Variants in CFAP53 observed in about 807,000 individuals in gnomAD.
The protein encoded by CFAP53 is cilia and flagella associated protein 53.
A neutral mutation model predicts 59.7 loss-of-function variants in CFAP53; 62 were observed. The observed-to-expected ratio is 1.04, with a 90% CI of 0.85 to 1.28. The LOEUF (loss-of-function observed/expected upper bound fraction) is 1.28. CFAP53 is among the 50% of genes most tolerant of loss of function. The pLI, the probability that CFAP53 is intolerant of heterozygous loss-of-function variation, is 0.00. For missense variants in CFAP53, 629 were observed against 615.6 expected, an observed-to-expected ratio of 1.02 and a Z score of -0.23; for synonymous variants, 218 against 205.7, an observed-to-expected ratio of 1.06 and a Z score of -0.51.
chr18:50,251,307 A>G (rs950569413), intron 4 of CFAP53, among the ~76,000 whole-genome samples, 174 bp downstream of exon 4: 1 of 152,200 alleles, frequency 6.6e-6, no homozygotes, highest in African/African-American at 2.4e-5. Flanking sequence ...TGACCCTTCT[A>G]TGAACTCTGC....
At chr18:50,260,910 G>T (rs1420542865) in intron 3 of CFAP53, among the ~76,000 whole-genome samples, 154 bp downstream of exon 3, 1 of 152,100 alleles carries the variant, frequency 6.6e-6, no homozygotes, top group African/African-American at 2.4e-5. Context: ...AGCACACACT[G>T]TATTATTCAA....
intron 7 of CFAP53, among the ~76,000 whole-genome samples, chr18:50,234,684 A>G (rs1367793851): frequency 1.3e-5 from 2 of 152,222 alleles, no homozygotes; most frequent in Non-Finnish European, 2.9e-5. Context: ...TGGAGTACAT[A>G]TATATAACTC....
chr18:50,251,439 C>G, intron 4 of CFAP53, 42 bp downstream of exon 4: 1 of 1,546,716 alleles, frequency 6.5e-7, no homozygotes, highest in Non-Finnish European at 8.8e-7. Context: ...GTACTACACC[C>G]ATGGCGTTGA....
intron 5 of CFAP53, among the ~76,000 whole-genome samples, chr18:50,248,135 A>G (rs957601843): frequency 3.4e-5 from 5 of 147,842 alleles, no homozygotes; most frequent in Non-Finnish European, 7.4e-5. Context: ...AAATTAAAAA[A>G]AAAAAAAAAA....
At chr18:50,265,109 C>T in intron 1 of CFAP53, among the ~76,000 whole-genome samples, 1 of 152,138 alleles carries the variant, frequency 6.6e-6, no homozygotes, top group South Asian at 2.1e-4. Context: ...ACCGTGCTAA[C>T]CTTTAGTGGT....
intron 6 of CFAP53, among the ~76,000 whole-genome samples, chr18:50,240,474 C>T (rs896919118): frequency 1.3e-5 from 2 of 152,138 alleles, no homozygotes; most frequent in African/African-American, 4.8e-5. Context: ...TAGCCAATAG[C>T]GGAATGACAC....
At chr18:50,255,798 AAACTGAAAAT>A (rs2033842183) in intron 3 of CFAP53, among the ~76,000 whole-genome samples, 2 of 152,130 alleles carry the variant, frequency 1.3e-5, no homozygotes, top group African/African-American at 4.8e-5. Context: ...TAAGAGTCCC[AAACTGAAAAT>A]AACTGAAATG....
In CFAP53 at chr18:50,227,484, T is replaced by C; in HGVS notation, c.1442A>G (p.Lys481Arg). The C allele has an allele frequency of 6.2e-7, 1 of 1,614,174 alleles. No individual in the cohort carries two copies. Among genetic ancestry groups the C allele is most frequent in the Non-Finnish European group, 8.5e-7 (1 of 1,180,016 alleles). The change falls in exon 8 of 8, where the codon AAG becomes AGG. Residue 481 changes from lysine (K) to arginine (R), a missense_variant. Physicochemically the swap from Lys to Arg is conservative, Grantham distance 26 (BLOSUM62 2). Transcript: ENST00000398545. Reference sequence around the variant, plus strand: ...CTCCTGGACCTTGTCCAAACACATCTTGTTTGCTGCTACACCTGCTTCAAA... The same window carrying C: ...CTCCTGGACCTTGTCCAAACACATCCTGTTTGCTGCTACACCTGCTTCAAA... ...REFEAGVAANKMCLDKVQEVL... is the reference protein window; with the variant it reads ...REFEAGVAANRMCLDKVQEVL...
intron 1 of CFAP53, among the ~76,000 whole-genome samples, chr18:50,265,074 C>T (rs2033928979): frequency 6.6e-6 from 1 of 152,218 alleles, no homozygotes; most frequent in Non-Finnish European, 1.5e-5. Flanking sequence ...ACTGACATCA[C>T]AGACAATATA....
chr18:50,253,340 A>T (rs2033819261), intron 3 of CFAP53, among the ~76,000 whole-genome samples: 1 of 152,226 alleles, frequency 6.6e-6, no homozygotes, highest in East Asian at 1.9e-4. Flanking sequence ...CTAAAAAAAT[A>T]AATTAAATGA....
At chr18:50,262,316 A>G (rs2033901631) in intron 1 of CFAP53, 97 bp from the exon 2 acceptor site, 1 of 1,001,442 alleles carries the variant, frequency 1.0e-6, no homozygotes. Flanking sequence ...TACTAAATAA[A>G]ATTGGGTATA....
chr18:50,237,018 A>C (rs2033640282), intron 7 of CFAP53, among the ~76,000 whole-genome samples: 1 of 151,762 alleles, frequency 6.6e-6, no homozygotes, highest in Non-Finnish European at 1.5e-5. Flanking sequence ...TTTAAAAATG[A>C]GAAAGAGGCC....
rs1346839373 is a variant in CFAP53 at position 50,227,499 on chromosome 18, C to T, written c.1427G>A (p.Gly476Asp). 1 of 1,614,030 alleles carries T rather than the reference C, an allele frequency of 6.2e-7. No individual in the cohort carries two copies. Among genetic ancestry groups the T allele is most frequent in the Admixed American group, 1.7e-5 (1 of 59,994 alleles). Reference protein sequence around the residue: ...KEEKRREFEAGVAANKMCLDK... With the variant: ...KEEKRREFEADVAANKMCLDK... Reference sequence around the variant, plus strand: ...CAAACACATCTTGTTTGCTGCTACACCTGCTTCAAACTCTCGGCGTTTCTC... The same window carrying T: ...CAAACACATCTTGTTTGCTGCTACATCTGCTTCAAACTCTCGGCGTTTCTC... The change falls in exon 8 of 8, where the codon GGT (glycine) becomes GAT (aspartate). Residue 476 changes from glycine (G) to aspartate (D), a missense_variant. Physicochemically the swap from Gly to Asp is moderately conservative, Grantham distance 94 (BLOSUM62 -1). Coordinates refer to ENST00000398545, the MANE Select transcript of CFAP53 (RefSeq NM_145020.5).
intron 7 of CFAP53, among the ~76,000 whole-genome samples, chr18:50,234,187 G>T (rs992219584): frequency 1.3e-5 from 2 of 152,162 alleles, no homozygotes; most frequent in Non-Finnish European, 2.9e-5. Context: ...ACCTCTGCAG[G>T]TTTTCTCTAT....
At chr18:50,251,892 T>C in intron 3 of CFAP53, 108 bp from the exon 4 acceptor site, 1 of 963,100 alleles carries the variant, frequency 1.0e-6, no homozygotes, top group South Asian at 1.6e-5. Flanking sequence ...ATCAGAGACC[T>C]GGATGCAGGC....
intron 6 of CFAP53, among the ~76,000 whole-genome samples, chr18:50,240,222 C>A (rs541701057): frequency 6.6e-6 from 1 of 151,280 alleles, no homozygotes; most frequent in African/African-American, 2.4e-5. Context: ...CTGACTCATT[C>A]TGATCACCTG....
In CFAP53 at chr18:50,250,625, G is replaced by A. The variant is rs186949129; in HGVS notation, c.996+133C>T. ...TTCTGTTTCTAACATTTTCCCAGAT[G>A]GTGCTGATGCTGTTGGCTTGTGGAC... On this transcript the variant is annotated intron_variant, in intron 5 of 7. Transcript: ENST00000398545. 265 of 681,032 alleles carry A rather than the reference G, an allele frequency of 3.9e-4. 1 individual carries two copies. The African/African-American group carries it at 4.1e-3, about 11-fold the overall frequency. The allele number at this position is 681,032 out of a possible 1,614,324, so 42.2% of individuals were successfully genotyped here. A position where few individuals can be genotyped will look rare whatever the true frequency, so the allele number is the denominator to read the frequency against.
At chr18:50,260,503 AAAT>A (rs1303502980) in intron 3 of CFAP53, among the ~76,000 whole-genome samples, 2 of 152,186 alleles carry the variant, frequency 1.3e-5, no homozygotes. Context: ...TCTCTACAAA[AAAT>A]ACAAAAAAAT....
chr18:50,246,062 G>C (rs2033741220), intron 5 of CFAP53, among the ~76,000 whole-genome samples: 2 of 152,026 alleles, frequency 1.3e-5, no homozygotes, highest in Admixed American at 1.3e-4. Flanking sequence ...GCTAATTTTT[G>C]TATTTTTGGT....
Sources: gnomAD v4.1 joint callset for allele counts (sites outside exome capture counted in the v4.1 genomes callset) on GRCh38, gnomAD v4.1.1 for gene constraint, MANE v1.5 for transcripts, NCBI Gene and HGNC (gene_info 2026-07-23, HGNC 2026-07-21) for gene names.